The following MALT1 variants were observed in gnomAD, a reference collection of about 807,000 sequenced individuals.
MALT1 encodes the protein mucosa-associated lymphoid tissue lymphoma translocation protein 1.
A neutral mutation model predicts 85.5 loss-of-function variants in MALT1; 36 were observed. The ratio of observed to expected loss-of-function variants is 0.42; its 90% CI spans 0.32 to 0.56. MALT1 has a LOEUF of 0.56. Among genes scored for constraint, MALT1 ranks in the 20% least tolerant of loss-of-function variants. MALT1 has a pLI of 0.10. For synonymous variants in MALT1, 359 were observed against 361.3 expected (o/e 0.99, Z 0.07); for missense variants, 716 against 981.6 (o/e 0.73, Z 3.62).
chr18:58,723,137 A>G lies in MALT1; in HGVS notation c.1108A>G (p.Thr370Ala). ...KAPLVDVYELTNLLRQLDFKV... is the reference protein window; with the variant it reads ...KAPLVDVYELANLLRQLDFKV... ...TCCTTTGGTGGATGTGTACGAATTG[A>G]CTAACTTACTGAGACAGCTGGACTT... Residue 370 changes from threonine (T) to alanine (A), a missense_variant, in exon 10 of 17, where the codon ACT becomes GCT. Thr to Ala is a moderately conservative substitution (Grantham distance 58). Coordinates refer to ENST00000649217, the MANE Select transcript of MALT1 (RefSeq NM_006785.4). 6.2e-7 allele frequency: 1 copy of G among 1,614,064 alleles called. No individual in the cohort carries two copies. The highest frequency in any genetic ancestry group is 2.2e-5 in the East Asian group (1 of 44,864).
rs2055008517 is a variant in MALT1, at chr18:58,723,217, T to C, written c.1188T>C (p.Asp396=). Residue 396 remains aspartate, a synonymous_variant, in exon 10 of 17, where the codon GAT becomes GAC. Coordinates refer to ENST00000649217, the MANE Select transcript of MALT1 (RefSeq NM_006785.4). ...LTEYEMRNAV[D]EFLLLLDKGV... ...AATATGAGATGCGTAATGCTGTGGA[T>C]GAGTTTTTACTCCTTTTAGACAAGG... 2 of 1,613,892 alleles carry C rather than the reference T, an allele frequency of 1.2e-6. No individual in the cohort carries two copies. The highest frequency in any genetic ancestry group is 2.2e-5 in the South Asian group (2 of 91,076).
Position 58,735,336 on chromosome 18 carries a change from TAAA to T in MALT1, c.1603+11_1603+13del. On this transcript the variant is annotated splice_region_variant and intron_variant, in intron 13 of 16. Coordinates refer to ENST00000649217, the MANE Select transcript of MALT1 (RefSeq NM_006785.4). ...CTGGATGAAGTTGCAGAAGGTAAAA[TAAA>T]AAATAAAGAGAAAAGTACTCAGAAA... 6.3e-7 allele frequency: 1 copy of T among 1,588,708 alleles called. No homozygotes were observed. The highest frequency in any genetic ancestry group is 8.5e-7 in the Non-Finnish European group (1 of 1,174,540).
intron 2 of MALT1, chr18:58,691,417 TG>T: frequency 2.0e-6 from 1 of 501,016 alleles, no homozygotes. Context: ...GAGCAGCCCG[TG>T]GTTGTGCAGA....
At chr18:58,726,135 T>C (rs2055051683) in intron 10 of MALT1, among the ~76,000 whole-genome samples, 1 of 152,182 alleles carries the variant, frequency 6.6e-6, no homozygotes, top group Non-Finnish European at 1.5e-5. Flanking sequence ...GTGACAAGAC[T>C]GCAGTTTAGG....
intron 10 of MALT1, among the ~76,000 whole-genome samples, chr18:58,727,963 G>T (rs371857350): frequency 6.7e-6 from 1 of 149,296 alleles, no homozygotes; most frequent in Non-Finnish European, 1.5e-5. Flanking sequence ...TCTTGGAACC[G>T]TGCCTGGCAC....
intron 10 of MALT1, among the ~76,000 whole-genome samples, chr18:58,727,628 GTT>G (rs74183292): frequency 9.2e-5 from 12 of 130,648 alleles, no homozygotes; most frequent in South Asian, 2.4e-4. Flanking sequence ...TTTTTTTTTT[GTT>G]TTTTTTTTTT....
chr18:58,689,258 T>TAA lies in MALT1; in HGVS notation c.377-7094_377-7093dup, dbSNP rs11421834. ...ATCCTGGTTCTGCCATTTTACAATG[T>TAA]AAAAAAAAAAAAAAAGTCTCAGAGA... On this transcript the variant is annotated intron_variant, in intron 2 of 16. Transcript: ENST00000649217. Among the ~76,000 whole-genome samples the TAA allele has an allele frequency of 3.8e-3, 549 of 143,980 alleles. 2 individuals are homozygous for TAA. The highest frequency in any genetic ancestry group is 0.01 in the African/African-American group (404 of 39,384). 94.5% of individuals were successfully genotyped at this position (143,980 alleles called of 152,430 possible).
intron 14 of MALT1, among the ~76,000 whole-genome samples, chr18:58,742,438 C>G (rs922339390): frequency 6.6e-6 from 1 of 152,028 alleles, no homozygotes; most frequent in South Asian, 2.1e-4. Context: ...TGGGTGTGGT[C>G]GCTCACGCCT....
At chr18:58,702,622 C>T (rs992342636) in intron 4 of MALT1, among the ~76,000 whole-genome samples, 2 of 152,172 alleles carry the variant, frequency 1.3e-5, no homozygotes, top group East Asian at 1.9e-4. Context: ...AAAAAACTCT[C>T]ATATAGTAGT....
chr18:58,722,380 A>C (rs2054997083), intron 9 of MALT1, among the ~76,000 whole-genome samples: 1 of 152,234 alleles, frequency 6.6e-6, no homozygotes, highest in East Asian at 1.9e-4. Flanking sequence ...GTCTCAGTGC[A>C]CTAAGTTCAA....
At chr18:58,721,952 G>A (rs1219326758) in intron 9 of MALT1, among the ~76,000 whole-genome samples, 2 of 152,158 alleles carry the variant, frequency 1.3e-5, no homozygotes, top group South Asian at 2.1e-4. Context: ...GGGGCTGCAG[G>A]TGCTCTTGTC....
chr18:58,715,456 C>T (rs1408266133), intron 8 of MALT1, among the ~76,000 whole-genome samples: 1 of 152,064 alleles, frequency 6.6e-6, no homozygotes, highest in Non-Finnish European at 1.5e-5. Flanking sequence ...TGATGAACTA[C>T]ATCTTTCCCT....
At chr18:58,713,635 C>T (rs938884620) in intron 7 of MALT1, among the ~76,000 whole-genome samples, 4 of 152,060 alleles carry the variant, frequency 2.6e-5, no homozygotes, top group African/African-American at 7.2e-5. Flanking sequence ...TAGCATAAGA[C>T]GTGACAAATA....
chr18:58,733,595 T>G, intron 11 of MALT1, 21 bp downstream of exon 11: 1 of 1,511,252 alleles, frequency 6.6e-7, no homozygotes, highest in East Asian at 2.3e-5. Flanking sequence ...TAATCTTTAT[T>G]AAAGAATTGT....
At chr18:58,694,623 T>C (rs1193690193) in intron 2 of MALT1, among the ~76,000 whole-genome samples, 1 of 152,260 alleles carries the variant, frequency 6.6e-6, no homozygotes, top group Non-Finnish European at 1.5e-5. Context: ...TGGTTTCTTT[T>C]ATGTCAGTTA....
intron 4 of MALT1, among the ~76,000 whole-genome samples, chr18:58,706,457 C>T (rs1315857000): frequency 2.0e-5 from 3 of 152,154 alleles, no homozygotes; most frequent in African/African-American, 2.4e-5. Flanking sequence ...GCCCAGCCCA[C>T]GTGTGTATAA....
intron 4 of MALT1, among the ~76,000 whole-genome samples, chr18:58,705,212 T>C (rs984620789): frequency 7.9e-5 from 12 of 152,138 alleles, no homozygotes; most frequent in Non-Finnish European, 1.2e-4. Context: ...TAGTATACTT[T>C]CATTGTGCCC....
chr18:58,679,709 C>T (rs948821608), intron 1 of MALT1, among the ~76,000 whole-genome samples: 3 of 152,056 alleles, frequency 2.0e-5, no homozygotes, highest in South Asian at 2.1e-4. Flanking sequence ...CACCACACAC[C>T]GGCTAACTTT....
chr18:58,690,843 T>C (rs761627498), intron 2 of MALT1: 5 of 237,764 alleles, frequency 2.1e-5, no homozygotes, highest in Non-Finnish European at 4.4e-5. Context: ...AGGAACCACA[T>C]AGAGAACCAA....
Sources: gnomAD v4.1 joint callset for allele counts (sites outside exome capture counted in the v4.1 genomes callset) on GRCh38, gnomAD v4.1.1 for gene constraint, MANE v1.5 for transcripts, NCBI Gene and HGNC (gene_info 2026-07-23, HGNC 2026-07-21) for gene names.